ADAM23: variants seen among roughly 807,000 people sequenced by gnomAD.
ADAM23 encodes disintegrin and metalloproteinase domain-containing protein 23.
In ADAM23, 33 loss-of-function variants were observed where a neutral mutation model predicts 120.1. The ratio of observed to expected loss-of-function variants is 0.27; its 90% CI spans 0.21 to 0.37. The LOEUF is 0.37. Ranked by LOEUF, ADAM23 falls within the 10% of genes least tolerant of loss-of-function variation. The probability of loss-of-function intolerance (pLI) is 1.00; values close to 1 mark genes in which losing one functional copy is unlikely to be tolerated. For missense variants in ADAM23, 862 were observed against 1,058.2 expected, an observed-to-expected ratio of 0.81 and a Z score of 2.57; for synonymous variants, 367 against 375.2, an observed-to-expected ratio of 0.98 and a Z score of 0.25.
At chr2:206,574,861 GTTTAA>G (rs1698081252) in intron 18 of ADAM23, among the ~76,000 whole-genome samples, 2 of 152,042 alleles carry the variant, frequency 1.3e-5, no homozygotes, top group Admixed American at 1.3e-4. Context: ...TATTTTATGT[GTTTAA>G]TTTATACATA....
At chr2:206,605,369 A>T (rs561204626) in intron 24 of ADAM23, among the ~76,000 whole-genome samples, 1 of 152,214 alleles carries the variant, frequency 6.6e-6, no homozygotes, top group African/African-American at 2.4e-5. Flanking sequence ...ATATATTCTG[A>T]ATTTTGAAAA....
chr2:206,444,420 T>C (rs190906903), intron 1 of ADAM23, among the ~76,000 whole-genome samples: 1 of 152,252 alleles, frequency 6.6e-6, no homozygotes, highest in Admixed American at 6.5e-5. Flanking sequence ...GCTACTTGCG[T>C]GGTGGAACCT....
chr2:206,561,313 G>A, intron 12 of ADAM23, 101 bp downstream of exon 12: 1 of 967,622 alleles, frequency 1.0e-6, no homozygotes. Context: ...TGATGACATG[G>A]CAAATGTAGC....
At chr2:206,469,566 A>G (rs548610089) in intron 2 of ADAM23, among the ~76,000 whole-genome samples, 2 of 152,344 alleles carry the variant, frequency 1.3e-5, no homozygotes, top group South Asian at 2.1e-4. Flanking sequence ...TAGTCCGCAC[A>G]ATAGCTTCCA....
At chr2:206,481,562 T>C (rs927894534) in intron 3 of ADAM23, among the ~76,000 whole-genome samples, 2 of 152,140 alleles carry the variant, frequency 1.3e-5, no homozygotes, top group Non-Finnish European at 2.9e-5. Context: ...TTTGAAGTAA[T>C]CCAGTTAATT....
intron 18 of ADAM23, among the ~76,000 whole-genome samples, chr2:206,577,052 A>G (rs568918995): frequency 7.0e-4 from 106 of 152,248 alleles, no homozygotes; most frequent in African/African-American, 2.2e-3. Context: ...ACTGAATCCA[A>G]TGCTCCACTC....
At chr2:206,494,429 A>G (rs543730160) in intron 3 of ADAM23, among the ~76,000 whole-genome samples, 19 of 152,292 alleles carry the variant, frequency 1.2e-4, no homozygotes, top group African/African-American at 4.3e-4. Context: ...CTCCCTGTGC[A>G]CTATGCCAGC....
intron 2 of ADAM23, among the ~76,000 whole-genome samples, chr2:206,455,365 C>A (rs910253747): frequency 6.6e-6 from 1 of 152,170 alleles, no homozygotes; most frequent in African/African-American, 2.4e-5. Context: ...AGCAATGGGG[C>A]CCAGGTCTGG....
At chr2:206,530,376 C>T (rs992172809) in intron 3 of ADAM23, among the ~76,000 whole-genome samples, 1 of 152,214 alleles carries the variant, frequency 6.6e-6, no homozygotes, top group Non-Finnish European at 1.5e-5. Flanking sequence ...TTGCTTTATA[C>T]TCTTCCTTGG....
intron 13 of ADAM23, among the ~76,000 whole-genome samples, chr2:206,563,255 T>C (rs1574535956): frequency 6.6e-6 from 1 of 152,312 alleles, no homozygotes; most frequent in African/African-American, 2.4e-5. Flanking sequence ...AAGGTCTCAC[T>C]TACCACCCCA....
chr2:206,557,602 A>G (rs964139896), intron 10 of ADAM23, 104 bp downstream of exon 10: 2 of 1,054,318 alleles, frequency 1.9e-6, no homozygotes, highest in African/African-American at 3.1e-5. Flanking sequence ...TAAAAACACA[A>G]TCCTGAAGCT....
intron 2 of ADAM23, 95 bp downstream of exon 2, chr2:206,445,619 C>A: frequency 1.9e-6 from 2 of 1,071,346 alleles, no homozygotes; most frequent in Non-Finnish European, 2.7e-6. Context: ...AATTTTACTG[C>A]AGCATTTTAT....
At chr2:206,586,677 T>C (rs936642910) in intron 18 of ADAM23, among the ~76,000 whole-genome samples, 8 of 152,186 alleles carry the variant, frequency 5.3e-5, no homozygotes, top group African/African-American at 1.7e-4. Context: ...TTCTCTTAAA[T>C]GTAGTCAATA....
chr2:206,525,755 C>T (rs2105793775), intron 3 of ADAM23, among the ~76,000 whole-genome samples: 1 of 152,116 alleles, frequency 6.6e-6, no homozygotes, highest in South Asian at 2.1e-4. Flanking sequence ...CCACACCTGG[C>T]TAATTTTTGT....
At chr2:206,506,134 T>C (rs551835400) in intron 3 of ADAM23, among the ~76,000 whole-genome samples, 1 of 152,236 alleles carries the variant, frequency 6.6e-6, no homozygotes, top group Non-Finnish European at 1.5e-5. Context: ...AATTAACATA[T>C]GCCTCATAGA....
chr2:206,583,938 TTGTCA>T (rs1179073843), intron 18 of ADAM23, among the ~76,000 whole-genome samples: 2 of 152,146 alleles, frequency 1.3e-5, no homozygotes, highest in Non-Finnish European at 2.9e-5. Flanking sequence ...GAGCCTTGTT[TTGTCA>T]TATTACCAGA....
chr2:206,464,678 A>T (rs891206656), intron 2 of ADAM23, among the ~76,000 whole-genome samples: 3 of 152,182 alleles, frequency 2.0e-5, no homozygotes, highest in African/African-American at 7.2e-5. Context: ...CATAGAGAGT[A>T]GGGGTTCTCA....
chr2:206,455,879 G>C (rs1484643887), intron 2 of ADAM23, among the ~76,000 whole-genome samples: 1 of 152,094 alleles, frequency 6.6e-6, no homozygotes, highest in Non-Finnish European at 1.5e-5. Flanking sequence ...ATCACTATCA[G>C]CATTTTGGTT....
chr2:206,479,466 C>A (rs1695850591), intron 2 of ADAM23, among the ~76,000 whole-genome samples: 1 of 152,142 alleles, frequency 6.6e-6, no homozygotes, highest in Admixed American at 6.6e-5. Flanking sequence ...AAGGATTTAT[C>A]TTATTCTTAG....
Sources: gnomAD v4.1 joint callset for allele counts (sites outside exome capture counted in the v4.1 genomes callset) on GRCh38, gnomAD v4.1.1 for gene constraint, MANE v1.5 for transcripts, NCBI Gene and HGNC (gene_info 2026-07-23, HGNC 2026-07-21) for gene names.